ANTXR2: variants seen among roughly 807,000 people sequenced by gnomAD.
ANTXR2 encodes the protein ANTXR cell adhesion molecule 2, also known as anthrax toxin receptor 2.
ANTXR2 carries 44 observed loss-of-function variants against 73.7 expected under a neutral mutation model. The observed-to-expected ratio is 0.60, with a 90% CI of 0.47 to 0.77. The LOEUF is 0.77. Ranked by LOEUF, ANTXR2 falls within the 30% of genes least tolerant of loss-of-function variation. ANTXR2 has a pLI of 0.00. For missense variants in ANTXR2, 604 were observed against 592.5 expected, an observed-to-expected ratio of 1.02 and a Z score of -0.20; for synonymous variants, 217 against 205.9, an observed-to-expected ratio of 1.05 and a Z score of -0.46.
At chr4:79,926,875 G>A (rs1727800800) in intron 16 of ANTXR2, among the ~76,000 whole-genome samples, 2 of 81,596 alleles carry the variant, frequency 2.5e-5, no homozygotes, top group Non-Finnish European at 5.3e-5. Flanking sequence ...GCATATATAT[G>A]TGTGTATATA....
chr4:79,955,630 G>C (rs1453613453), intron 16 of ANTXR2, among the ~76,000 whole-genome samples: 6 of 151,992 alleles, frequency 3.9e-5, no homozygotes, highest in African/African-American at 1.4e-4. Flanking sequence ...TCATAGAGCT[G>C]GGTTGGTTGA....
At chr4:79,920,881 C>CA (rs1322501017) in intron 16 of ANTXR2, among the ~76,000 whole-genome samples, 2 of 151,936 alleles carry the variant, frequency 1.3e-5, no homozygotes, top group African/African-American at 4.8e-5. Context: ...ACAAAACAAG[C>CA]AAAAAATACC....
intron 10 of ANTXR2, among the ~76,000 whole-genome samples, chr4:80,030,211 A>T (rs7689762): frequency 4.6e-5 from 7 of 151,938 alleles, no homozygotes; most frequent in Admixed American, 4.6e-4. Context: ...AGAGAGAGAA[A>T]GAAATCAATA....
chr4:80,044,523 G>A (rs1002946762), intron 7 of ANTXR2, among the ~76,000 whole-genome samples: 2 of 151,788 alleles, frequency 1.3e-5, no homozygotes, highest in South Asian at 2.1e-4. Flanking sequence ...AATTAAGATG[G>A]GGAGATAAAA....
chr4:79,990,702 A>G (rs1467550025), intron 12 of ANTXR2, among the ~76,000 whole-genome samples: 1 of 152,012 alleles, frequency 6.6e-6, no homozygotes, highest in Admixed American at 6.6e-5. Context: ...AGAAAAAAGC[A>G]GGAGGCATCA....
At chr4:80,012,461 A>G (rs1019903680) in intron 11 of ANTXR2, among the ~76,000 whole-genome samples, 1 of 152,144 alleles carries the variant, frequency 6.6e-6, no homozygotes, top group Admixed American at 6.6e-5. Context: ...TATAATGTCT[A>G]TAGCTGTTTT....
At chr4:79,929,619 T>C (rs1055788948) in intron 16 of ANTXR2, among the ~76,000 whole-genome samples, 2 of 152,154 alleles carry the variant, frequency 1.3e-5, no homozygotes, top group Non-Finnish European at 2.9e-5. Context: ...AGGACAAGAT[T>C]CTCAGCTGAG....
At chr4:80,064,622 G>A (rs987324667) in intron 3 of ANTXR2, among the ~76,000 whole-genome samples, 15 of 152,188 alleles carry the variant, frequency 9.9e-5, no homozygotes, top group Non-Finnish European at 2.9e-5. Flanking sequence ...GAGAGGTGGG[G>A]TTCCTTTAGA....
At chr4:79,982,399 C>T (rs1404112197) in intron 14 of ANTXR2, among the ~76,000 whole-genome samples, 5 of 152,052 alleles carry the variant, frequency 3.3e-5, no homozygotes, top group Admixed American at 3.3e-4. Flanking sequence ...TTTACACACA[C>T]ATTTTGGAAT....
At chr4:79,929,188 A>G (rs1369440280) in intron 16 of ANTXR2, among the ~76,000 whole-genome samples, 1 of 152,124 alleles carries the variant, frequency 6.6e-6, no homozygotes, top group Non-Finnish European at 1.5e-5. Flanking sequence ...ACTTGGCCAT[A>G]AAATATAAAA....
chr4:79,975,372 A>G lies in ANTXR2; in HGVS notation c.1428+2249T>C, dbSNP rs190492936. Among the ~76,000 whole-genome samples the G allele has an allele frequency of 4.5e-3, 692 of 152,242 alleles. 9 individuals carry two copies. Among genetic ancestry groups the G allele is most frequent in the African/African-American group, 0.016 (657 of 41,540 alleles). On this transcript the variant is annotated intron_variant, in intron 16 of 16. Transcript: ENST00000403729. ...AGGGCGGAGGCTGCTGTTTGTTTCT[A>G]CCCTTTGATATTACTTGATGCCATT...
At chr4:80,060,694 G>A (rs544421230) in intron 3 of ANTXR2, among the ~76,000 whole-genome samples, 75 of 152,198 alleles carry the variant, frequency 4.9e-4, no homozygotes, top group African/African-American at 1.6e-3. Flanking sequence ...CTCTTACTGT[G>A]CCTAAATTAT....
At chr4:79,960,506 T>G (rs1729102399) in intron 16 of ANTXR2, among the ~76,000 whole-genome samples, 1 of 152,096 alleles carries the variant, frequency 6.6e-6, no homozygotes, top group South Asian at 2.1e-4. Flanking sequence ...CTTTATAAGT[T>G]TTTTAAAAGC....
intron 3 of ANTXR2, among the ~76,000 whole-genome samples, chr4:80,063,423 T>C (rs1363533490): frequency 9.1e-6 from 1 of 109,804 alleles, no homozygotes; most frequent in Non-Finnish European, 1.9e-5. Flanking sequence ...ATAGTAACAT[T>C]AATTTCAGCA....
intron 7 of ANTXR2, among the ~76,000 whole-genome samples, chr4:80,041,642 C>G (rs1364645362): frequency 6.6e-6 from 1 of 151,870 alleles, no homozygotes; most frequent in Non-Finnish European, 1.5e-5. Context: ...CAACAGGCCC[C>G]AGTGTGTCTT....
chr4:79,956,574 G>C (rs1222970365), intron 16 of ANTXR2, among the ~76,000 whole-genome samples: 1 of 152,096 alleles, frequency 6.6e-6, no homozygotes, highest in Non-Finnish European at 1.5e-5. Context: ...ACTCAACACA[G>C]ATAGGACAAA....
At chr4:80,067,520 AAATG>A (rs1170413858) in intron 3 of ANTXR2, among the ~76,000 whole-genome samples, 1 of 152,212 alleles carries the variant, frequency 6.6e-6, no homozygotes, top group African/African-American at 2.4e-5. Context: ...ATAAATGTTA[AAATG>A]GTTCTTTTTT....
chr4:80,044,051 G>T (rs1218069521), intron 7 of ANTXR2, among the ~76,000 whole-genome samples: 3 of 151,910 alleles, frequency 2.0e-5, no homozygotes, highest in African/African-American at 7.3e-5. Flanking sequence ...AAGTCAGAGG[G>T]ACAAATACTC....
intron 2 of ANTXR2, among the ~76,000 whole-genome samples, chr4:80,070,484 G>C (rs1256717495): frequency 6.6e-6 from 1 of 152,166 alleles, no homozygotes; most frequent in Non-Finnish European, 1.5e-5. Flanking sequence ...ATAAACAACT[G>C]TCTGTTCTGC....
Sources: allele counts gnomAD v4.1 joint callset (sites outside exome capture counted in the v4.1 genomes callset), GRCh38; gene constraint gnomAD v4.1.1; transcripts MANE v1.5; gene names NCBI Gene and HGNC (gene_info 2026-07-23, HGNC 2026-07-21).